Variants in NFIA observed in about 807,000 individuals in gnomAD.
NFIA encodes nuclear factor I A, also known as nuclear factor 1 A-type.
A neutral mutation model predicts 62.8 loss-of-function variants in NFIA; 8 were observed. The ratio of observed to expected loss-of-function variants is 0.13; its 90% CI spans 0.07 to 0.23. The LOEUF (loss-of-function observed/expected upper bound fraction) is 0.23, where lower values mean the gene tolerates loss of function less well. NFIA is among the 10% of genes least tolerant of loss of function. The probability of loss-of-function intolerance (pLI) is 1.00; values close to 1 mark genes in which losing one functional copy is unlikely to be tolerated. For missense variants in NFIA, 410 were observed against 642.1 expected (o/e 0.64, Z 3.91); for synonymous variants, 235 against 238.1 (o/e 0.99, Z 0.12).
At chr1:61,440,327 T>C (rs1667518466) in intron 10 of NFIA, among the ~76,000 whole-genome samples, 1 of 152,208 alleles carries the variant, frequency 6.6e-6, no homozygotes, top group South Asian at 2.1e-4. Flanking sequence ...ATTATTATAC[T>C]AATCAACTAT....
At chr1:61,233,689 T>C (rs577029203) in intron 2 of NFIA, among the ~76,000 whole-genome samples, 1 of 152,294 alleles carries the variant, frequency 6.6e-6, no homozygotes, top group East Asian at 1.9e-4. Flanking sequence ...ATTGGGATGA[T>C]AGTAACCACC....
At chr1:61,242,466 AG>A (rs1381267023) in intron 2 of NFIA, among the ~76,000 whole-genome samples, 1 of 152,202 alleles carries the variant, frequency 6.6e-6, no homozygotes, top group Non-Finnish European at 1.5e-5. Context: ...AACCCTCTGC[AG>A]TTTGTACTCT....
intron 8 of NFIA, 136 bp downstream of exon 8, chr1:61,404,418 C>A: frequency 1.1e-6 from 1 of 949,436 alleles, no homozygotes; most frequent in Non-Finnish European, 1.5e-6. Flanking sequence ...CATATTTATT[C>A]TAGATTGTGG....
At chr1:61,222,089 C>T (rs141118605) in intron 2 of NFIA, among the ~76,000 whole-genome samples, 19 of 152,192 alleles carry the variant, frequency 1.2e-4, no homozygotes, top group African/African-American at 4.1e-4. Context: ...AACACTATCA[C>T]TATATGAAGT....
intron 2 of NFIA, among the ~76,000 whole-genome samples, chr1:61,163,468 T>C (rs1433906042): frequency 6.6e-6 from 1 of 152,198 alleles, no homozygotes; most frequent in African/African-American, 2.4e-5. Context: ...CATCATGGTA[T>C]TTGTAAAGCA....
chr1:61,083,233 T>G (rs1368974340), intron 1 of NFIA, among the ~76,000 whole-genome samples: 1 of 151,756 alleles, frequency 6.6e-6, no homozygotes, highest in Non-Finnish European at 1.5e-5. Context: ...AGGGATTCCG[T>G]AGTGCCGCAG....
At chr1:61,133,159 T>A (rs553515188) in intron 2 of NFIA, 2 of 152,206 alleles carry the variant, frequency 1.3e-5, no homozygotes, top group African/African-American at 4.8e-5. Context: ...CTTCTCAGCA[T>A]GTGAACCAAT....
chr1:61,360,004 G>A lies in NFIA; in HGVS notation c.946+730G>A, dbSNP rs186353484. On this transcript the variant is annotated intron_variant, in intron 6 of 10. Transcript: ENST00000403491. ...ATCGATAACATTCGAAAGAAGAATG[G>A]GTTCCTTGCGATAGTTTAGACTCAG... is the stretch of plus-strand genomic sequence containing the variant. Among the ~76,000 whole-genome samples, 59 of 152,148 alleles carry A rather than the reference G, an allele frequency of 3.9e-4. No individual in the cohort carries two copies. In the East Asian group the frequency reaches 9.1e-3, roughly 23 times the overall value.
chr1:61,219,713 C>CAGAAAA (rs1653890747), intron 2 of NFIA, among the ~76,000 whole-genome samples: 1 of 107,820 alleles, frequency 9.3e-6, no homozygotes, highest in Non-Finnish European at 1.8e-5. Flanking sequence ...GACTCCGTCT[C>CAGAAAA]AAAAAAAAAA....
intron 4 of NFIA, among the ~76,000 whole-genome samples, chr1:61,339,209 T>C (rs1291444684): frequency 6.6e-6 from 1 of 152,208 alleles, no homozygotes; most frequent in Non-Finnish European, 1.5e-5. Flanking sequence ...GCTCTACTAG[T>C]AATTTTAAAA....
At chr1:61,206,818 C>T (rs572624003) in intron 2 of NFIA, among the ~76,000 whole-genome samples, 1 of 152,256 alleles carries the variant, frequency 6.6e-6, no homozygotes, top group East Asian at 1.9e-4. Flanking sequence ...CCCTCCCAAG[C>T]CTACCTCATG....
intron 9 of NFIA, among the ~76,000 whole-genome samples, chr1:61,413,037 C>T (rs1666173424): frequency 6.6e-6 from 1 of 152,074 alleles, no homozygotes; most frequent in South Asian, 2.1e-4. Flanking sequence ...GAAGATAAAA[C>T]ATGCATATTT....
intron 2 of NFIA, among the ~76,000 whole-genome samples, chr1:61,161,359 C>T (rs1286061298): frequency 1.3e-5 from 2 of 152,190 alleles, no homozygotes; most frequent in Non-Finnish European, 2.9e-5. Flanking sequence ...GAGAAGACCT[C>T]CTCGATGAGG....
At chr1:61,383,170 C>A in intron 6 of NFIA, 67 bp from the exon 7 acceptor site, 4 of 1,572,560 alleles carry the variant, frequency 2.5e-6, no homozygotes, top group East Asian at 2.3e-5. Context: ...TAAATGTTAT[C>A]TTTTAGGTTG....
At chr1:61,162,817 C>CTTT (rs1188371490) in intron 2 of NFIA, among the ~76,000 whole-genome samples, 48 of 138,598 alleles carry the variant, frequency 3.5e-4, no homozygotes, top group African/African-American at 9.2e-4. Context: ...CTCTTTCAAC[C>CTTT]TTTTTTTTTT....
At chr1:61,292,512 C>T (rs1197387706) in intron 3 of NFIA, among the ~76,000 whole-genome samples, 1 of 152,110 alleles carries the variant, frequency 6.6e-6, no homozygotes, top group Non-Finnish European at 1.5e-5. Context: ...GAAACCAACC[C>T]CATACTCCTT....
chr1:61,092,668 C>G (rs2100421717), intron 2 of NFIA, among the ~76,000 whole-genome samples: 1 of 152,286 alleles, frequency 6.6e-6, no homozygotes. Context: ...TTCTGCTGTA[C>G]CTCATATTAT....
chr1:61,251,191 G>T (rs1355283739), intron 2 of NFIA: 1 of 152,166 alleles, frequency 6.6e-6, no homozygotes, highest in East Asian at 1.9e-4. Flanking sequence ...GTGTGTTTGT[G>T]TGCGCATATG....
upstream of NFIA, chr1:61,082,329 G>C (rs1646111446): frequency 3.7e-6 from 1 of 271,162 alleles, no homozygotes; most frequent in Non-Finnish European, 5.7e-6. Flanking sequence ...CTCGGGACCC[G>C]GCTGGCCGCG....
Sources: gnomAD v4.1 joint callset for allele counts (sites outside exome capture counted in the v4.1 genomes callset) on GRCh38, gnomAD v4.1.1 for gene constraint, MANE v1.5 for transcripts, NCBI Gene and HGNC (gene_info 2026-07-23, HGNC 2026-07-21) for gene names.